Variants in CCBE1 observed in about 807,000 individuals in gnomAD.
The protein encoded by CCBE1 is collagen and calcium-binding EGF domain-containing protein 1.
Under a neutral mutation model 50.0 loss-of-function variants are expected in CCBE1, and 37 were observed. The observed-to-expected ratio is 0.74, with a 90% CI of 0.57 to 0.97. The LOEUF (loss-of-function observed/expected upper bound fraction) is 0.97, where lower values mean the gene tolerates loss of function less well. Among genes scored for constraint, CCBE1 ranks in the 50% least tolerant of loss-of-function variants. CCBE1 has a pLI of 0.00. For missense variants in CCBE1, 538 were observed against 523.8 expected, an observed-to-expected ratio of 1.03 and a Z score of -0.26; for synonymous variants, 234 against 203.7, an observed-to-expected ratio of 1.15 and a Z score of -1.27.
chr18:59,504,282 C>T (rs886114379), intron 2 of CCBE1, among the ~76,000 whole-genome samples: 2 of 152,090 alleles, frequency 1.3e-5, no homozygotes, highest in African/African-American at 2.4e-5. Flanking sequence ...TAGCTATACA[C>T]ATTTTCTTGA....
rs115071386 is a variant in CCBE1, at chr18:59,454,948, T to C, written c.557A>G (p.His186Arg). The change falls in exon 6 of 11, where the codon CAT becomes CGT. Residue 186 changes from histidine (H) to arginine (R), a missense_variant. Coordinates refer to ENST00000439986, the MANE Select transcript of CCBE1 (RefSeq NM_133459.4). ...RGDKYPNDTG[H>R]EKSENMVKAG... Reference sequence around the variant, plus strand: ...TTTCACCATGTTCTCAGACTTCTCATGGCCTGAGAAAGGAGATAGGCTCAG... The same window carrying C: ...TTTCACCATGTTCTCAGACTTCTCACGGCCTGAGAAAGGAGATAGGCTCAG... 5.4e-4 allele frequency: 874 copies of C among 1,612,706 alleles called. 2 individuals carry two copies. Among genetic ancestry groups the C allele is most frequent in the South Asian group, 4.1e-3 (369 of 91,042 alleles).
intron 2 of CCBE1, among the ~76,000 whole-genome samples, chr18:59,611,135 C>A (rs1383206724): frequency 6.6e-6 from 1 of 152,222 alleles, no homozygotes; most frequent in Non-Finnish European, 1.5e-5. Context: ...ATCTCACCAC[C>A]GGCTCTGCCT....
At position 59,657,527 on chromosome 18, in the gene CCBE1, C is replaced by A. The variant is rs185815199; in HGVS notation, c.212+39102G>T. On this transcript the variant is annotated intron_variant, in intron 2 of 10. Coordinates refer to ENST00000439986, the MANE Select transcript of CCBE1 (RefSeq NM_133459.4). ...AAAAAGAGGATTGCTTTCATTCATT[C>A]TTGAGTTTTAAGATCATTGATGACA... Among the ~76,000 whole-genome samples the A allele has an allele frequency of 1.6e-3, 238 of 152,332 alleles. 3 individuals are homozygous for A. The highest frequency in any genetic ancestry group is 1.1e-3 in the Non-Finnish European group (72 of 68,032).
intron 7 of CCBE1, among the ~76,000 whole-genome samples, chr18:59,441,227 G>A (rs1910406028): frequency 6.6e-6 from 1 of 152,156 alleles, no homozygotes; most frequent in Non-Finnish European, 1.5e-5. Flanking sequence ...GGAAAGAAAA[G>A]GGCTGGGCAC....
At chr18:59,467,926 C>G (rs9959290) in intron 4 of CCBE1, among the ~76,000 whole-genome samples, 70,400 of 152,066 alleles carry the variant, frequency 0.46, 16,627 homozygotes, top group Non-Finnish European at 0.5. Context: ...GCTGCATCCT[C>G]CTCTGCAATT....
chr18:59,597,495 C>G (rs151202834), intron 2 of CCBE1, among the ~76,000 whole-genome samples: 1 of 152,090 alleles, frequency 6.6e-6, no homozygotes, highest in Admixed American at 6.6e-5. Context: ...TTGCTTCCTC[C>G]GGTCCTCTCT....
At chr18:59,501,052 G>A (rs1202888646) in intron 2 of CCBE1, among the ~76,000 whole-genome samples, 2 of 152,256 alleles carry the variant, frequency 1.3e-5, no homozygotes, top group Non-Finnish European at 1.5e-5. Flanking sequence ...ATAAGGTGAA[G>A]ATGGGTTACA....
chr18:59,485,783 G>T (rs933944251), intron 2 of CCBE1, among the ~76,000 whole-genome samples: 70 of 151,564 alleles, frequency 4.6e-4, no homozygotes, highest in African/African-American at 1.4e-3. Flanking sequence ...GCTTATTTTC[G>T]GTAGACAGGG....
chr18:59,654,935 AAGTT>A (rs2054169003), intron 2 of CCBE1, among the ~76,000 whole-genome samples: 1 of 151,498 alleles, frequency 6.6e-6, no homozygotes, highest in Admixed American at 6.6e-5. Flanking sequence ...AAAATGCAAA[AAGTT>A]AGCCAGGCAT....
intron 2 of CCBE1, among the ~76,000 whole-genome samples, chr18:59,560,256 T>C (rs543638112): frequency 4.3e-4 from 66 of 152,352 alleles, no homozygotes; most frequent in African/African-American, 5.3e-4. Context: ...GGTATGCCCA[T>C]AGGCTTTTGG....
intron 3 of CCBE1, among the ~76,000 whole-genome samples, chr18:59,473,839 CCTCCCA>C (rs368397703): frequency 2.0e-4 from 8 of 39,088 alleles, no homozygotes; most frequent in East Asian, 7.3e-4. Flanking sequence ...ACCTTCCAAC[CCTCCCA>C]CTATTTCCTC....
chr18:59,651,538 C>G (rs1282103468), intron 2 of CCBE1, among the ~76,000 whole-genome samples: 1 of 152,202 alleles, frequency 6.6e-6, no homozygotes, highest in African/African-American at 2.4e-5. Context: ...TAGTTTCCTT[C>G]TGAGAATCAA....
intron 2 of CCBE1, among the ~76,000 whole-genome samples, chr18:59,514,771 A>G (rs921724535): frequency 4.6e-5 from 7 of 152,070 alleles, no homozygotes; most frequent in Non-Finnish European, 1.0e-4. Context: ...TCCAATCACT[A>G]AAACATCAAG....
chr18:59,476,288 C>T (rs1187187899), intron 3 of CCBE1, among the ~76,000 whole-genome samples: 2 of 152,208 alleles, frequency 1.3e-5, no homozygotes, highest in African/African-American at 4.8e-5. Context: ...GCTTCTTTTG[C>T]TGCTGGTTCT....
chr18:59,633,669 T>G (rs936388118), intron 2 of CCBE1, among the ~76,000 whole-genome samples: 9 of 151,590 alleles, frequency 5.9e-5, no homozygotes, highest in African/African-American at 2.2e-4. Flanking sequence ...AGAGGTCAAA[T>G]AGCCAACAGA....
chr18:59,680,824 G>A (rs1402716809), intron 2 of CCBE1, among the ~76,000 whole-genome samples: 2 of 152,130 alleles, frequency 1.3e-5, no homozygotes. Flanking sequence ...TTCCAAAGGA[G>A]CGTAGGTTAA....
At chr18:59,474,770 C>T (rs1285077410) in intron 3 of CCBE1, among the ~76,000 whole-genome samples, 4 of 152,198 alleles carry the variant, frequency 2.6e-5, no homozygotes, top group African/African-American at 4.8e-5. Flanking sequence ...ATCCTGTTTT[C>T]ACACTACTTT....
intron 2 of CCBE1, among the ~76,000 whole-genome samples, chr18:59,679,733 G>A (rs2054560304): frequency 6.6e-6 from 1 of 152,188 alleles, no homozygotes; most frequent in Non-Finnish European, 1.5e-5. Context: ...GAGGATGCGC[G>A]TCCATGACAC....
At chr18:59,564,793 G>A (rs952688568) in intron 2 of CCBE1, among the ~76,000 whole-genome samples, 1 of 152,216 alleles carries the variant, frequency 6.6e-6, no homozygotes, top group African/African-American at 2.4e-5. Flanking sequence ...GAGAAAGGCT[G>A]ATCATTTGCT....
Sources: allele counts gnomAD v4.1 joint callset (sites outside exome capture counted in the v4.1 genomes callset), GRCh38; gene constraint gnomAD v4.1.1; transcripts MANE v1.5; gene names NCBI Gene and HGNC (gene_info 2026-07-23, HGNC 2026-07-21).